The following SLC11A2 variants were observed in gnomAD, a reference collection of about 807,000 sequenced individuals.
SLC11A2 encodes the protein solute carrier family 11 member 2, also known as natural resistance-associated macrophage protein 2.
Under a neutral mutation model 68.0 loss-of-function variants are expected in SLC11A2, and 38 were observed. The ratio of observed to expected loss-of-function variants is 0.56; its 90% CI spans 0.43 to 0.73. The LOEUF is 0.73. Among genes scored for constraint, SLC11A2 ranks in the 30% least tolerant of loss-of-function variants. The pLI is 0.00. For missense variants in SLC11A2, 517 were observed against 690.5 expected (o/e 0.75, Z 2.82); for synonymous variants, 242 against 250.6 (o/e 0.97, Z 0.32).
chr12:50,956,688 A>G, the SLC11A2 span, among the ~76,000 whole-genome samples: 4 of 152,146 alleles, frequency 2.6e-5, no homozygotes, highest in Non-Finnish European at 2.9e-5. Context: ...ATTTCTGTGT[A>G]TTAATACTCC....
rs372439379 is a variant in SLC11A2 at position 50,990,824 on chromosome 12, C to T, written c.1546G>A (p.Val516Met). ...ALYVVAAVVS[V>M]AYLGFVFYLG... ...TAGAACACAAAGCCCAGATAAGCCA[C>T]GCTGACCACAGCAGCCACCACATAT... The change falls in exon 15 of 16, where the codon GTG becomes ATG. Residue 516 changes from valine to methionine, a missense_variant. Physicochemically the swap from Val to Met is conservative, Grantham distance 21 (BLOSUM62 1). Transcript: ENST00000262052. The T allele has an allele frequency of 3.2e-5, 52 of 1,614,002 alleles. No homozygotes were observed. In the Middle Eastern group the frequency reaches 6.6e-4, roughly 20 times the overall value.
At chr12:51,008,333 A>G (rs1942930841) in intron 3 of SLC11A2, 143 bp downstream of exon 3, 3 of 652,604 alleles carry the variant, frequency 4.6e-6, no homozygotes, top group South Asian at 1.6e-5. Flanking sequence ...GTGTATATAT[A>G]TATATAGATA....
intron 10 of SLC11A2, 185 bp from the exon 11 acceptor site, chr12:50,994,815 AC>A (rs1592335517): frequency 1.8e-6 from 1 of 540,914 alleles, no homozygotes; most frequent in Non-Finnish European, 3.3e-6. Flanking sequence ...TAATCCTTCT[AC>A]ACCCACAGGT....
the SLC11A2 span, among the ~76,000 whole-genome samples, chr12:50,956,460 A>G: frequency 6.6e-6 from 1 of 152,236 alleles, no homozygotes; most frequent in Admixed American, 6.5e-5. Context: ...AATATCTACT[A>G]TGTATTTTCC....
chr12:50,996,947 C>A lies in SLC11A2; in HGVS notation c.701G>T (p.Ser234Ile). 6.2e-7 allele frequency: 1 copy of A among 1,614,106 alleles called. No homozygotes were observed. Among genetic ancestry groups the A allele is most frequent in the Non-Finnish European group, 8.5e-7 (1 of 1,180,020 alleles). Residue 234 changes from serine to isoleucine, a missense_variant, in exon 9 of 16, where the codon AGC (serine) becomes ATC (isoleucine). Physicochemically the swap from Ser to Ile is moderately radical, Grantham distance 142. Transcript: ENST00000262052. ...TACGAACATGCCCTTGAGTACCTGG[C>A]TCTGGCTGGGTTTCACTGTAACATA... ...YEYVTVKPSQ[S>I]QVLKGMFVPS...
chr12:50,953,665 A>G, the SLC11A2 span, among the ~76,000 whole-genome samples: 1 of 152,244 alleles, frequency 6.6e-6, no homozygotes, highest in East Asian at 1.9e-4. Context: ...GTGCTTGTGG[A>G]AGAAGTCCTG....
downstream of SLC11A2, among the ~76,000 whole-genome samples, chr12:50,984,673 T>C (rs879898576): frequency 2.0e-5 from 3 of 152,228 alleles, no homozygotes; most frequent in Non-Finnish European, 2.9e-5. Flanking sequence ...CTAGTAACTC[T>C]TGGCTATTGC....
chr12:51,026,373 C>A lies in SLC11A2; in HGVS notation c.-102G>T. ...GCCCAGGGCTCCATATTCCGGGAGC[C>A]AGCGCCACGCTGGCTAACGCCCTCC... On this transcript the variant is annotated 5_prime_UTR_variant, in exon 1 of 16. Coordinates refer to ENST00000262052, the MANE Select transcript of SLC11A2 (RefSeq NM_000617.3). 4 of 1,281,544 alleles carry A rather than the reference C, an allele frequency of 3.1e-6. No homozygotes were observed. The highest frequency in any genetic ancestry group is 4.1e-6 in the Non-Finnish European group (4 of 984,034). The allele number at this position is 1,281,544 out of a possible 1,614,324, so 79.4% of individuals were successfully genotyped here. A position where few individuals can be genotyped will look rare whatever the true frequency, so the allele number is the denominator to read the frequency against.
Position 50,987,627 on chromosome 12 carries a change from T to C in SLC11A2, c.*698A>G, listed in dbSNP as rs943741572. 2 of 1,287,130 alleles carry C rather than the reference T, an allele frequency of 1.6e-6. No individual in the cohort carries two copies. Among genetic ancestry groups the C allele is most frequent in the African/African-American group, 3.0e-5 (2 of 65,796 alleles). The allele number at this position is 1,287,130 out of a possible 1,614,324, so 79.7% of individuals were successfully genotyped here. A position where few individuals can be genotyped will look rare whatever the true frequency, so the allele number is the denominator to read the frequency against. ...AGAAATCCTCATAAGCTTTTCAATC[T>C]GAGGAAAATCCTGAGAAGGTAATTA... On this transcript the variant is annotated 3_prime_UTR_variant, in exon 16 of 16. Coordinates refer to ENST00000262052, the MANE Select transcript of SLC11A2 (RefSeq NM_000617.3).
intron 2 of SLC11A2, among the ~76,000 whole-genome samples, chr12:51,009,912 T>C (rs1269569190): frequency 6.6e-6 from 1 of 152,190 alleles, no homozygotes; most frequent in Non-Finnish European, 1.5e-5. Flanking sequence ...CCGGGCACAG[T>C]GGCTCATGCC....
the SLC11A2 span, chr12:50,954,162 G>A: frequency 2.3e-5 from 20 of 880,742 alleles, no homozygotes; most frequent in Admixed American, 8.9e-5. Context: ...GTGCCTTTGC[G>A]GATTGAAATG....
Position 50,986,385 on chromosome 12 carries a change from C to T in SLC11A2, c.*1940G>A. The T allele has an allele frequency of 1.6e-6, 2 of 1,279,330 alleles. No individual in the cohort carries two copies. The highest frequency in any genetic ancestry group is 2.0e-6 in the Non-Finnish European group (2 of 981,654). The allele number at this position is 1,279,330 out of a possible 1,614,324, so 79.2% of individuals were successfully genotyped here. Reference sequence around the variant, plus strand: ...AGGGTATTTTTAACACTGTGAAGTACACACATAATATTATAAAATGCCATT... The same window carrying T: ...AGGGTATTTTTAACACTGTGAAGTATACACATAATATTATAAAATGCCATT... On this transcript the variant is annotated 3_prime_UTR_variant, in exon 16 of 16. Transcript: ENST00000262052.
At chr12:50,955,028 ACT>A in the SLC11A2 span, among the ~76,000 whole-genome samples, 2 of 152,026 alleles carry the variant, frequency 1.3e-5, no homozygotes, top group Admixed American at 6.6e-5. Flanking sequence ...ACAGTGGCTC[ACT>A]CCTGTAATCC....
downstream of SLC11A2, among the ~76,000 whole-genome samples, chr12:50,982,954 A>C (rs547086401): frequency 3.9e-5 from 6 of 152,114 alleles, no homozygotes; most frequent in East Asian, 7.7e-4. Context: ...AAAAAAAAAA[A>C]AAACCCACAA....
At chr12:50,972,786 C>G in the SLC11A2 span, among the ~76,000 whole-genome samples, 1 of 152,328 alleles carries the variant, frequency 6.6e-6, no homozygotes, top group South Asian at 2.1e-4. Context: ...TCGGGTCACT[C>G]CCACCCTAAT....
At chr12:51,002,737 T>C (rs1305866464) in intron 5 of SLC11A2, among the ~76,000 whole-genome samples, 14 of 136,354 alleles carry the variant, frequency 1.0e-4, no homozygotes, top group South Asian at 2.4e-4. Flanking sequence ...GTCAGGAGTT[T>C]GAGACCAGTC....
chr12:50,965,654 TTGAC>T, the SLC11A2 span, among the ~76,000 whole-genome samples: 1 of 152,124 alleles, frequency 6.6e-6, no homozygotes, highest in Non-Finnish European at 1.5e-5. Flanking sequence ...AACCCCTACT[TTGAC>T]TGGTAGGCCA....
At chr12:51,009,101 A>AT in intron 2 of SLC11A2, 1 of 1,408,624 alleles carries the variant, frequency 7.1e-7, no homozygotes, top group Non-Finnish European at 9.7e-7. Context: ...CACCTCCTAT[A>AT]TTTGGTAGGA....
chr12:50,961,910 C>G, the SLC11A2 span, among the ~76,000 whole-genome samples: 2 of 152,090 alleles, frequency 1.3e-5, no homozygotes, highest in East Asian at 1.9e-4. Flanking sequence ...ATACAGGAAG[C>G]CTTACTACAA....
Sources: gnomAD v4.1 joint callset for allele counts (sites outside exome capture counted in the v4.1 genomes callset) on GRCh38, gnomAD v4.1.1 for gene constraint, MANE v1.5 for transcripts, NCBI Gene and HGNC (gene_info 2026-07-23, HGNC 2026-07-21) for gene names.